INIP: variants seen among roughly 807,000 people sequenced by gnomAD.
INIP encodes INTS3 and NABP interacting protein, also known as SOSS complex subunit C.
INIP carries 9 observed loss-of-function variants against 14.0 expected under a neutral mutation model. The observed-to-expected ratio is 0.64, with a 90% confidence interval of 0.39 to 1.12. The LOEUF (loss-of-function observed/expected upper bound fraction) is 1.12, where lower values mean the gene tolerates loss of function less well. Ranked by LOEUF, INIP falls within the 50% of genes most tolerant of loss-of-function variation. INIP has a pLI of 0.01. For synonymous variants in INIP, 37 were observed against 41.5 expected (o/e 0.89, Z 0.41); for missense variants, 78 against 122.7 (o/e 0.64, Z 1.72).
Position 112,686,046 on chromosome 9 carries a change from A to G in INIP, c.*1492T>C, listed in dbSNP as rs1837653566. ...AACAAACTCTCTGAAAAGAAAGTAG[A>G]ACTTTCACTAAATATTGACCCAAAC... On this transcript the variant is annotated 3_prime_UTR_variant, in exon 5 of 5. Coordinates refer to ENST00000374242, the MANE Select transcript of INIP (RefSeq NM_021218.3). The G allele has an allele frequency of 6.6e-6, 1 of 152,222 alleles. No individual in the cohort carries two copies. The highest frequency in any genetic ancestry group is 1.5e-5 in the Non-Finnish European group (1 of 68,058). The allele number at this position is 152,222 out of a possible 1,614,324, so 9.4% of individuals were successfully genotyped here. A position where few individuals can be genotyped will look rare whatever the true frequency, so the allele number is the denominator to read the frequency against.
rs1004146343 is a variant in INIP at position 112,717,977 on chromosome 9, T to C, written c.-57+10A>G. ...TCTATTGCCCGGTGCCTCCAGACTG[T>C]CGTACTTACCTGGGACCCGAGGACA... On this transcript the variant is annotated intron_variant, in intron 1 of 4. Transcript: ENST00000374242. 1 of 152,686 alleles carries C rather than the reference T, an allele frequency of 6.5e-6. No individual in the cohort carries two copies. The highest frequency in any genetic ancestry group is 2.4e-5 in the African/African-American group (1 of 41,448). The allele number at this position is 152,686 out of a possible 1,614,324, so 9.5% of individuals were successfully genotyped here.
chr9:112,689,704 T>C (rs1450748361), intron 3 of INIP, 87 bp from the exon 4 acceptor site: 3 of 978,062 alleles, frequency 3.1e-6, no homozygotes, highest in Non-Finnish European at 4.8e-6. Context: ...CTTCTTTTTT[T>C]TAAATTGAGG....
chr9:112,705,917 A>C (rs998905125), intron 2 of INIP, among the ~76,000 whole-genome samples: 2 of 152,166 alleles, frequency 1.3e-5, no homozygotes, highest in Non-Finnish European at 2.9e-5. Flanking sequence ...ATGGGGAGCT[A>C]CTCAGAGTAT....
chr9:112,699,327 A>C (rs1331755052), intron 2 of INIP, among the ~76,000 whole-genome samples: 1 of 152,124 alleles, frequency 6.6e-6, no homozygotes, highest in Non-Finnish European at 1.5e-5. Flanking sequence ...AAAAAATAAC[A>C]AAATTTTAAA....
At chr9:112,692,939 C>T (rs1837944315) in intron 3 of INIP, among the ~76,000 whole-genome samples, 1 of 148,278 alleles carries the variant, frequency 6.7e-6, no homozygotes, top group Non-Finnish European at 1.5e-5. Flanking sequence ...TACTCAGGGG[C>T]GATCACCTGA....
intron 1 of INIP, among the ~76,000 whole-genome samples, chr9:112,717,701 C>T (rs1185324988): frequency 6.6e-6 from 1 of 152,148 alleles, no homozygotes; most frequent in Non-Finnish European, 1.5e-5. Flanking sequence ...TAGGTGTCTC[C>T]AGCGGCTGAA....
Position 112,716,593 on chromosome 9 carries a change from C to T in INIP, c.-56-52G>A, listed in dbSNP as rs10981486. The T allele has an allele frequency of 2.7e-5, 25 of 910,930 alleles. No homozygotes were observed. The East Asian group carries it at 5.8e-4, about 21-fold the overall frequency. 56.4% of individuals were successfully genotyped at this position (910,930 alleles called of 1,614,324 possible). ...CAATGCACCATATTTTAATCACAAA[C>T]TAAAAGGAACAGCTAGCCTCCTTAC... On this transcript the variant is annotated intron_variant, in intron 1 of 4. Coordinates refer to ENST00000374242, the MANE Select transcript of INIP (RefSeq NM_021218.3).
chr9:112,708,678 T>A (rs1157421928), intron 2 of INIP, among the ~76,000 whole-genome samples: 1 of 152,000 alleles, frequency 6.6e-6, no homozygotes, highest in African/African-American at 2.4e-5. Flanking sequence ...AAAATCAAGA[T>A]GTTGACAGGG....
At chr9:112,695,255 G>GAAAAA (rs60657759) in intron 2 of INIP, among the ~76,000 whole-genome samples, 138 of 64,408 alleles carry the variant, frequency 2.1e-3, no homozygotes, top group East Asian at 2.6e-3. Flanking sequence ...CAGAACTACA[G>GAAAAA]AAAAAAAAAA....
At chr9:112,696,637 G>C (rs567319158) in intron 2 of INIP, among the ~76,000 whole-genome samples, 3 of 152,274 alleles carry the variant, frequency 2.0e-5, no homozygotes, top group African/African-American at 7.2e-5. Flanking sequence ...GACGCCAATG[G>C]CAAGTAGGCA....
chr9:112,716,218 G>C (rs541527695), intron 2 of INIP, among the ~76,000 whole-genome samples: 3 of 152,162 alleles, frequency 2.0e-5, no homozygotes, highest in Admixed American at 2.0e-4. Flanking sequence ...GATTACAGGT[G>C]CCCGCCACCA....
chr9:112,705,297 T>C (rs1332245915), intron 2 of INIP, among the ~76,000 whole-genome samples: 1 of 152,006 alleles, frequency 6.6e-6, no homozygotes, highest in Non-Finnish European at 1.5e-5. Flanking sequence ...TTATAAACAA[T>C]GTCTAAATGT....
intron 2 of INIP, among the ~76,000 whole-genome samples, chr9:112,698,702 C>T (rs1311781225): frequency 6.6e-6 from 1 of 152,126 alleles, no homozygotes; most frequent in Non-Finnish European, 1.5e-5. Flanking sequence ...CTATGTATTT[C>T]AATATTAATA....
At chr9:112,708,943 A>G (rs942675844) in intron 2 of INIP, among the ~76,000 whole-genome samples, 6 of 151,666 alleles carry the variant, frequency 4.0e-5, no homozygotes, top group African/African-American at 7.3e-5. Context: ...AATGTTTCCT[A>G]TATCTTGCAA....
At chr9:112,708,427 T>C (rs1838549133) in intron 2 of INIP, among the ~76,000 whole-genome samples, 1 of 152,126 alleles carries the variant, frequency 6.6e-6, no homozygotes, top group Non-Finnish European at 1.5e-5. Context: ...TGGATGGAAA[T>C]GCAGAGATAC....
intron 2 of INIP, among the ~76,000 whole-genome samples, chr9:112,709,313 C>A (rs529520477): frequency 6.6e-6 from 1 of 152,188 alleles, no homozygotes; most frequent in East Asian, 1.9e-4. Context: ...TTGTCTCAAG[C>A]GCCCAGTGGT....
chr9:112,712,581 A>G (rs978160118), intron 2 of INIP, among the ~76,000 whole-genome samples: 1 of 152,244 alleles, frequency 6.6e-6, no homozygotes, highest in Non-Finnish European at 1.5e-5. Context: ...CAAAGACTTA[A>G]GGGAAAAAGA....
Position 112,712,630 on chromosome 9 carries a change from A to G in INIP, c.25+3831T>C, listed in dbSNP as rs1409398854. 2.6e-5 allele frequency among the ~76,000 whole-genome samples: 4 copies of G among 152,232 alleles called. No individual in the cohort carries two copies. The East Asian group carries it at 7.7e-4, about 29-fold the overall frequency. On this transcript the variant is annotated intron_variant, in intron 2 of 4. Transcript: ENST00000374242. ...AGGGGTATTTTAGCAAAGAAGTATA[A>G]CTATGGAAAAGGACCAAGTGGAAAT...
chr9:112,712,905 C>T (rs921911831), intron 2 of INIP, among the ~76,000 whole-genome samples: 5 of 152,146 alleles, frequency 3.3e-5, no homozygotes, highest in African/African-American at 1.2e-4. Context: ...AGAAAACCAC[C>T]TCTAGGCATA....
Sources: allele counts gnomAD v4.1 joint callset (sites outside exome capture counted in the v4.1 genomes callset), GRCh38; gene constraint gnomAD v4.1.1; transcripts MANE v1.5; gene names NCBI Gene and HGNC (gene_info 2026-07-23, HGNC 2026-07-21).